The following DHX8 variants were observed in gnomAD, a reference collection of about 807,000 sequenced individuals.
The protein encoded by DHX8 is DEAH-box helicase 8, also known as ATP-dependent RNA helicase DHX8.
In DHX8, 67 loss-of-function variants were observed where a neutral mutation model predicts 140.7. That is an observed-to-expected ratio of 0.48 (90% CI 0.39 to 0.58). The LOEUF is 0.58. Among genes scored for constraint, DHX8 ranks in the 20% least tolerant of loss-of-function variants. DHX8 has a pLI of 0.00. For missense variants in DHX8, 887 were observed against 1,550.7 expected (o/e 0.57, Z 7.19); for synonymous variants, 533 against 553.2 (o/e 0.96, Z 0.51).
chr17:43,514,063 C>G (rs1045152115), intron 17 of DHX8, among the ~76,000 whole-genome samples: 5 of 152,060 alleles, frequency 3.3e-5, no homozygotes, highest in Admixed American at 1.3e-4. Context: ...CCCGTAAGGC[C>G]AGACACCTTG....
downstream of DHX8, among the ~76,000 whole-genome samples, chr17:43,531,763 CA>C (rs1424948727): frequency 6.6e-6 from 1 of 152,162 alleles, no homozygotes; most frequent in East Asian, 1.9e-4. Context: ...TAGCAAGAAC[CA>C]TGAGCCTGGC....
chr17:43,538,605 C>G (rs1017238836), intron 3 of DHX8, among the ~76,000 whole-genome samples: 1 of 152,184 alleles, frequency 6.6e-6, no homozygotes, highest in Admixed American at 6.5e-5. Flanking sequence ...TCTGGCCTCC[C>G]CAGAGCGGGG....
chr17:43,505,733 A>G (rs1966508794), intron 12 of DHX8, among the ~76,000 whole-genome samples: 1 of 151,596 alleles, frequency 6.6e-6, no homozygotes, highest in African/African-American at 2.4e-5. Context: ...CAGTCAATAA[A>G]CTCATATGGG....
chr17:43,516,700 T>C, intron 17 of DHX8, among the ~76,000 whole-genome samples: 1 of 152,034 alleles, frequency 6.6e-6, no homozygotes, highest in African/African-American at 2.4e-5. Context: ...CTGCCCACCT[T>C]GGCCTCCCAA....
intron 19 of DHX8, 104 bp downstream of exon 19, chr17:43,520,371 T>C: frequency 7.2e-7 from 1 of 1,381,160 alleles, no homozygotes; most frequent in African/African-American, 1.4e-5. Flanking sequence ...GGATAAGCTT[T>C]GAGTAAAATT....
At position 43,484,200 on chromosome 17, in the gene DHX8, G is replaced by GT. The variant is rs149118126; in HGVS notation, c.148+16dup. ...CAAGGACCTTGGTGAGCTCGGGGAG[G>GT]TCCCTGGGACCTCAGTTTGGGATTG... On this transcript the variant is annotated intron_variant, in intron 1 of 22. Coordinates refer to ENST00000262415, the MANE Select transcript of DHX8 (RefSeq NM_004941.3). 1.6e-3 allele frequency: 2,581 copies of GT among 1,611,230 alleles called. 36 individuals carry two copies. The African/African-American group carries it at 0.03, about 19-fold the overall frequency.
At position 43,521,486 on chromosome 17, in the gene DHX8, T is replaced by C; in HGVS notation, c.3184T>C (p.Cys1062Arg). 6.2e-7 allele frequency: 1 copy of C among 1,613,860 alleles called. No homozygotes were observed. Among genetic ancestry groups the C allele is most frequent in the Non-Finnish European group, 8.5e-7 (1 of 1,179,974 alleles). Residue 1062 changes from cysteine to arginine, a missense_variant, in exon 21 of 23, where the codon TGC (cysteine) becomes CGC (arginine). This residue lies in a region of DHX8 where 101 missense variants were observed against 168.2 expected (regional missense o/e 0.60). Coordinates refer to ENST00000262415, the MANE Select transcript of DHX8 (RefSeq NM_004941.3). ...WKNNKFSNPW[C>R]YENFIQARSL... Reference sequence around the variant, plus strand: ...GAACAACAAGTTCTCCAACCCATGGTGCTATGAGAACTTTATCCAGGCTCG... The same window carrying C: ...GAACAACAAGTTCTCCAACCCATGGCGCTATGAGAACTTTATCCAGGCTCG...
chr17:43,540,690 G>A (rs980611930), intron 3 of DHX8, among the ~76,000 whole-genome samples: 2 of 152,148 alleles, frequency 1.3e-5, no homozygotes, highest in Non-Finnish European at 2.9e-5. Context: ...AGGCACATTT[G>A]GATAGAGGGT....
chr17:43,485,423 G>C (rs982877802), intron 1 of DHX8, among the ~76,000 whole-genome samples: 1 of 152,160 alleles, frequency 6.6e-6, no homozygotes, highest in African/African-American at 2.4e-5. Flanking sequence ...CATTTAGGAA[G>C]ATGCCCTGCA....
intron 2 of DHX8, among the ~76,000 whole-genome samples, chr17:43,532,271 G>A (rs548245435): frequency 7.9e-5 from 12 of 152,306 alleles, no homozygotes; most frequent in African/African-American, 2.4e-4. Context: ...AGGCCGAGGC[G>A]ATGGATCATA....
intron 2 of DHX8, chr17:43,534,127 C>T (rs1388766702): frequency 3.5e-6 from 3 of 869,276 alleles, no homozygotes; most frequent in Non-Finnish European, 4.8e-6. Context: ...TTTTCTGAGA[C>T]CCGCAGTGAG....
In DHX8 at chr17:43,484,188, G is replaced by A. The variant is rs1005800579; in HGVS notation, c.148+3G>A. On this transcript the variant is annotated splice_donor_region_variant and intron_variant, in intron 1 of 22. Coordinates refer to ENST00000262415, the MANE Select transcript of DHX8 (RefSeq NM_004941.3). ...GGGGATCAACGACAAGGACCTTGGT[G>A]AGCTCGGGGAGGTCCCTGGGACCTC... 1 of 1,612,900 alleles carries A rather than the reference G, an allele frequency of 6.2e-7. No individual in the cohort carries two copies.
chr17:43,484,236 A>G (rs1262403970), intron 1 of DHX8, 51 bp downstream of exon 1: 1 of 27,188 alleles, frequency 3.7e-5, no homozygotes. Flanking sequence ...AGGGAAGCGG[A>G]AGGAGGAAGG....
intron 16 of DHX8, among the ~76,000 whole-genome samples, chr17:43,512,664 T>C (rs1969908515): frequency 6.6e-6 from 1 of 152,174 alleles, no homozygotes. Flanking sequence ...GGTAGAAGCC[T>C]TTCAGGACCA....
At chr17:43,511,473 T>TTTTTTTTTTTTTTTTTTG in intron 16 of DHX8, among the ~76,000 whole-genome samples, 1 of 138,396 alleles carries the variant, frequency 7.2e-6, no homozygotes, top group African/African-American at 2.7e-5. Context: ...TTTTTTTTTT[T>TTTTTTTTTTTTTTTTTTG]TTGAGACAGA....
At chr17:43,527,830 G>A (rs149485080), downstream of DHX8, 33 of 227,092 alleles carry the variant, frequency 1.5e-4, no homozygotes, top group Middle Eastern at 1.3e-3. Context: ...CAGCAAAGAG[G>A]ACACAGGAGA....
At chr17:43,521,997 T>C (rs1970394294) in intron 21 of DHX8, 50 bp from the exon 22 acceptor site, 1 of 1,588,888 alleles carries the variant, frequency 6.3e-7, no homozygotes, top group Non-Finnish European at 8.6e-7. Flanking sequence ...ATTGTGAAAA[T>C]AGACCTGTGA....
downstream of DHX8, chr17:43,528,514 G>T (rs1567704189): frequency 1.3e-6 from 2 of 1,592,410 alleles, no homozygotes; most frequent in Non-Finnish European, 1.7e-6. Context: ...AACAGCCGCT[G>T]GGGGCTAGTA....
At chr17:43,511,059 G>A (rs1260712255) in intron 16 of DHX8, among the ~76,000 whole-genome samples, 3 of 152,226 alleles carry the variant, frequency 2.0e-5, no homozygotes, top group Non-Finnish European at 4.4e-5. Context: ...GCTGAGCGCA[G>A]TGGCTCACAC....
Sources: allele counts gnomAD v4.1 joint callset (sites outside exome capture counted in the v4.1 genomes callset), GRCh38; gene constraint gnomAD v4.1.1; regional missense constraint gnomAD v4.1.1; transcripts MANE v1.5; gene names NCBI Gene and HGNC (gene_info 2026-07-23, HGNC 2026-07-21).